Variants in HIBCH observed in about 807,000 individuals in gnomAD.
HIBCH encodes 3-hydroxyisobutyryl-CoA hydrolase.
HIBCH carries 50 observed loss-of-function variants against 58.2 expected under a neutral mutation model. That is an observed-to-expected ratio of 0.86 (90% CI 0.68 to 1.09). HIBCH has a LOEUF of 1.09. Ranked by LOEUF, HIBCH falls within the 50% of genes least tolerant of loss-of-function variation. The probability of loss-of-function intolerance (pLI) is 0.00; values close to 1 mark genes in which losing one functional copy is unlikely to be tolerated. For missense variants in HIBCH, 450 were observed against 449.7 expected, an observed-to-expected ratio of 1.00 and a Z score of -0.01; for synonymous variants, 151 against 146.9, an observed-to-expected ratio of 1.03 and a Z score of -0.20.
At position 190,319,783 on chromosome 2, in the gene HIBCH, G is replaced by A. The variant is rs755501645; in HGVS notation, c.-33C>T. ...CACTCCGAAGCTAAAGCAGCAGAGC[G>A]AGAATCTCCCGGACCGTTCCAGCGC... On this transcript the variant is annotated 5_prime_UTR_variant, in exon 1 of 14. Transcript: ENST00000359678. 31 of 1,604,356 alleles carry A rather than the reference G, an allele frequency of 1.9e-5. No homozygotes were observed. Among genetic ancestry groups the A allele is most frequent in the Non-Finnish European group, 2.5e-5 (29 of 1,175,338 alleles).
intron 1 of HIBCH, among the ~76,000 whole-genome samples, chr2:190,313,807 A>G (rs1021145493): frequency 6.6e-6 from 1 of 152,160 alleles, no homozygotes; most frequent in Non-Finnish European, 1.5e-5. Flanking sequence ...GCTGTCATTA[A>G]AAATCAACAC....
intron 2 of HIBCH, among the ~76,000 whole-genome samples, chr2:190,302,530 TTGC>T (rs111969719): frequency 2.8e-3 from 419 of 152,244 alleles, no homozygotes; most frequent in African/African-American, 9.7e-3. Flanking sequence ...TGCTGGTCAG[TTGC>T]TGTGTCAAAA....
At chr2:190,314,365 AT>A (rs1688654238) in intron 1 of HIBCH, among the ~76,000 whole-genome samples, 1 of 91,956 alleles carries the variant, frequency 1.1e-5, no homozygotes, top group Non-Finnish European at 2.3e-5. Context: ...ATACGTATAT[AT>A]ATACGTATAT....
At chr2:190,268,781 T>C (rs1405243411) in intron 6 of HIBCH, among the ~76,000 whole-genome samples, 1 of 152,182 alleles carries the variant, frequency 6.6e-6, no homozygotes, top group Admixed American at 6.5e-5. Flanking sequence ...GGCTAACCCA[T>C]AGGCAGCATG....
At chr2:190,276,404 A>T (rs567226600) in intron 6 of HIBCH, among the ~76,000 whole-genome samples, 2 of 152,260 alleles carry the variant, frequency 1.3e-5, no homozygotes, top group South Asian at 4.2e-4. Flanking sequence ...TTCCTAATTG[A>T]TATAGATTGG....
At chr2:190,222,594 T>C (rs1420421168) in intron 11 of HIBCH, among the ~76,000 whole-genome samples, 1 of 152,186 alleles carries the variant, frequency 6.6e-6, no homozygotes, top group Admixed American at 6.5e-5. Context: ...CCAGTCAGAA[T>C]GGCGATCATT....
chr2:190,290,622 C>T, intron 4 of HIBCH, 137 bp from the exon 5 acceptor site: 1 of 669,344 alleles, frequency 1.5e-6, no homozygotes, highest in Non-Finnish European at 2.6e-6. Flanking sequence ...TTGAAGTTGC[C>T]CCTGCCACAG....
At chr2:190,301,569 T>G (rs1403167164) in intron 2 of HIBCH, among the ~76,000 whole-genome samples, 1 of 152,082 alleles carries the variant, frequency 6.6e-6, no homozygotes, top group Non-Finnish European at 1.5e-5. Context: ...TGTATTGGGG[T>G]GGTGGGTACA....
In HIBCH at chr2:190,211,753, G is replaced by A. The variant is rs1249770053; in HGVS notation, c.1011+1203C>T. ...ATTATTTTACTTATTTTGTTTACTT[G>A]TTCTTTGTAGTCTCAGTAGACTAAA... On this transcript the variant is annotated intron_variant, in intron 12 of 13. Transcript: ENST00000359678. The surrounding 1 kb of genome is among the most constrained non-coding windows in gnomAD (Gnocchi z 5.0). 1.3e-5 allele frequency among the ~76,000 whole-genome samples: 2 copies of A among 151,960 alleles called. No homozygotes were observed. The highest frequency in any genetic ancestry group is 4.8e-5 in the African/African-American group (2 of 41,354).
At chr2:190,290,343 G>T in intron 5 of HIBCH, 62 bp downstream of exon 5, 1 of 1,142,532 alleles carries the variant, frequency 8.8e-7, no homozygotes, top group Non-Finnish European at 1.3e-6. Flanking sequence ...TTTTAACAAA[G>T]TACATACTGT....
chr2:190,293,050 A>G (rs10931448), intron 4 of HIBCH, among the ~76,000 whole-genome samples: 108,232 of 152,090 alleles, frequency 0.71, 39,166 homozygotes, highest in Non-Finnish European at 0.75. Flanking sequence ...ATTTCCAAAC[A>G]TCAATATAAA....
intron 11 of HIBCH, among the ~76,000 whole-genome samples, chr2:190,241,203 T>C (rs1358189595): frequency 2.6e-5 from 4 of 152,260 alleles, no homozygotes; most frequent in East Asian, 1.9e-4. Context: ...TCTTGCTGCA[T>C]TGATCCCTTT....
intron 7 of HIBCH, among the ~76,000 whole-genome samples, chr2:190,259,372 T>G (rs2582759): frequency 0.27 from 38,964 of 146,932 alleles, 5,756 homozygotes; most frequent in East Asian, 0.44. Context: ...TGTGTGTCTG[T>G]CTGACTGACA....
At chr2:190,239,551 G>A (rs1181141601) in intron 11 of HIBCH, among the ~76,000 whole-genome samples, 2 of 151,958 alleles carry the variant, frequency 1.3e-5, no homozygotes, top group Admixed American at 6.6e-5. Flanking sequence ...ACTTTGGGCA[G>A]TATGGCCATT....
chr2:190,194,516 A>ACACACG (rs1553490474), intron 1 of HIBCH, among the ~76,000 whole-genome samples: 3 of 149,586 alleles, frequency 2.0e-5, no homozygotes, highest in Non-Finnish European at 3.0e-5. Context: ...ACACACACAC[A>ACACACG]CACGCAGCAT....
intron 1 of HIBCH, among the ~76,000 whole-genome samples, chr2:190,195,620 ATTG>A (rs1372802014): frequency 4.6e-5 from 7 of 152,268 alleles, no homozygotes; most frequent in African/African-American, 9.6e-5. Context: ...TCATATTTGT[ATTG>A]TTGACTTTTA....
intron 2 of HIBCH, among the ~76,000 whole-genome samples, chr2:190,299,009 C>T: frequency 6.6e-6 from 1 of 152,178 alleles, no homozygotes; most frequent in Admixed American, 6.5e-5. Context: ...GAAATGCTTT[C>T]CCCATTGCTT....
rs148593899 is a variant in HIBCH at position 190,309,143 on chromosome 2, T to G, written c.78+1611A>C. Among the ~76,000 whole-genome samples, 992 of 152,306 alleles carry G rather than the reference T, an allele frequency of 6.5e-3. 16 individuals are homozygous for G. The highest frequency in any genetic ancestry group is 0.023 in the African/African-American group (953 of 41,578). ...TAGTAATAAAGGGTTTTTATATTTATGCACCAAACCATAAGTGTTTACACT... is the reference window on the plus strand; with the variant it reads ...TAGTAATAAAGGGTTTTTATATTTAGGCACCAAACCATAAGTGTTTACACT... On this transcript the variant is annotated intron_variant, in intron 2 of 13. Transcript: ENST00000359678.
At chr2:190,314,523 G>C (rs1688663683) in intron 1 of HIBCH, among the ~76,000 whole-genome samples, 1 of 151,884 alleles carries the variant, frequency 6.6e-6, no homozygotes, top group African/African-American at 2.4e-5. Context: ...GTGTCACCCA[G>C]GCTGCAGCGC....
Sources: allele counts gnomAD v4.1 joint callset (sites outside exome capture counted in the v4.1 genomes callset), GRCh38; gene constraint gnomAD v4.1.1; non-coding constraint Gnocchi (gnomAD v3.1); transcripts MANE v1.5; gene names NCBI Gene and HGNC (gene_info 2026-07-23, HGNC 2026-07-21).